STK24: variants seen among roughly 807,000 people sequenced by gnomAD.
STK24 encodes the protein serine/threonine-protein kinase 24.
STK24 carries 21 observed loss-of-function variants against 55.6 expected under a neutral mutation model. The observed-to-expected ratio is 0.38, with a 90% CI of 0.27 to 0.54. The LOEUF (loss-of-function observed/expected upper bound fraction) is 0.54. STK24 is among the 20% of genes least tolerant of loss of function. STK24 has a pLI of 0.79. For missense variants in STK24, 383 were observed against 538.4 expected, an observed-to-expected ratio of 0.71 and a Z score of 2.86; for synonymous variants, 200 against 215.2, an observed-to-expected ratio of 0.93 and a Z score of 0.62.
intron 3 of STK24, among the ~76,000 whole-genome samples, chr13:98,481,874 C>A (rs1391694129): frequency 2.0e-5 from 3 of 151,884 alleles, no homozygotes; most frequent in Non-Finnish European, 4.4e-5. Flanking sequence ...ATGGCAAAAC[C>A]CTATTTCTAC....
At chr13:98,535,378 T>A (rs1346074623) in intron 1 of STK24, among the ~76,000 whole-genome samples, 3 of 136,504 alleles carry the variant, frequency 2.2e-5, no homozygotes, top group African/African-American at 9.3e-5. Flanking sequence ...AAAATATATA[T>A]ATATATATAT....
At chr13:98,521,968 A>G in intron 1 of STK24, 1 of 1,403,458 alleles carries the variant, frequency 7.1e-7, no homozygotes, top group Admixed American at 2.3e-5. Context: ...CTCCCATTTA[A>G]AACAAACGAA....
intron 1 of STK24, among the ~76,000 whole-genome samples, chr13:98,547,230 G>A (rs1235541512): frequency 6.6e-6 from 1 of 152,040 alleles, no homozygotes; most frequent in African/African-American, 2.4e-5. Context: ...GTTTTAAGGG[G>A]TAACTTTTAT....
In STK24 at chr13:98,576,889, C is replaced by T. The variant is rs1897916279; in HGVS notation, c.-103G>A. The T allele has an allele frequency of 4.0e-6, 3 of 754,452 alleles. No homozygotes were observed. Among genetic ancestry groups the T allele is most frequent in the South Asian group, 5.7e-5 (1 of 17,596 alleles). The allele number at this position is 754,452 out of a possible 1,614,324, so 46.7% of individuals were successfully genotyped here. ...CGCGCGCAGCCCTCGGGCGGCGGGG[C>T]CGGCCGGAGCCCGAGGCCACCCCAG... is the stretch of plus-strand genomic sequence containing the variant. On this transcript the variant is annotated 5_prime_UTR_variant, in exon 1 of 11. Transcript: ENST00000539966.
chr13:98,520,706 G>A (rs1317131254), intron 1 of STK24, among the ~76,000 whole-genome samples: 3 of 152,234 alleles, frequency 2.0e-5, no homozygotes, highest in African/African-American at 7.2e-5. Context: ...GCTCTCCAAG[G>A]TGAGACACAC....
intron 2 of STK24, among the ~76,000 whole-genome samples, chr13:98,489,601 A>G (rs1196783372): frequency 1.3e-5 from 2 of 152,238 alleles, no homozygotes; most frequent in Non-Finnish European, 2.9e-5. Flanking sequence ...CACAAAAGAC[A>G]GGGAACACCT....
At chr13:98,500,019 T>C (rs1437616085) in intron 2 of STK24, among the ~76,000 whole-genome samples, 4 of 152,356 alleles carry the variant, frequency 2.6e-5, no homozygotes, top group Non-Finnish European at 5.9e-5. Context: ...TGCGTGCTAG[T>C]GTTACTTTGT....
chr13:98,570,244 G>C (rs1202989956), intron 1 of STK24, among the ~76,000 whole-genome samples: 2 of 152,194 alleles, frequency 1.3e-5, no homozygotes, highest in Non-Finnish European at 2.9e-5. Context: ...AGAGATCAAA[G>C]GGGCTGCCCT....
intron 3 of STK24, among the ~76,000 whole-genome samples, chr13:98,476,529 C>T (rs77169533): frequency 0.034 from 5,150 of 152,310 alleles, 274 homozygotes; most frequent in African/African-American, 0.12. Context: ...TGCTTTAAGC[C>T]AAAGGGGATG....
At chr13:98,564,773 C>T (rs1897522542) in intron 1 of STK24, among the ~76,000 whole-genome samples, 2 of 152,032 alleles carry the variant, frequency 1.3e-5, no homozygotes, top group African/African-American at 2.4e-5. Context: ...CACGCAGTAG[C>T]ATAAGCCTGT....
rs773362468 is a variant in STK24, at chr13:98,446,776, C to T, written c.*6397G>A. 6.1e-5 allele frequency: 98 copies of T among 1,614,100 alleles called. No individual in the cohort carries two copies. Among genetic ancestry groups the T allele is most frequent in the Non-Finnish European group, 7.0e-5 (83 of 1,180,046 alleles). ...TGTTCAAGCTGCACTTCAAGTCCCA[C>T]GTCTACTACTTCAGGGCGGAAAGCG... On this transcript the variant is annotated 3_prime_UTR_variant, in exon 11 of 11. Transcript: ENST00000539966.
chr13:98,568,853 A>C (rs1897659078), intron 1 of STK24, among the ~76,000 whole-genome samples: 1 of 152,208 alleles, frequency 6.6e-6, no homozygotes, highest in African/African-American at 2.4e-5. Flanking sequence ...TGGGTGACAG[A>C]GCGAGACTCC....
At chr13:98,544,069 G>A (rs1241612687) in intron 1 of STK24, among the ~76,000 whole-genome samples, 40 of 152,170 alleles carry the variant, frequency 2.6e-4, no homozygotes, top group Admixed American at 2.6e-3. Flanking sequence ...GTGCATTTAC[G>A]TTAGGCTGCT....
Position 98,446,849 on chromosome 13 carries a change from G to A in STK24, c.*6324C>T, listed in dbSNP as rs773144338. The A allele has an allele frequency of 1.1e-5, 18 of 1,609,764 alleles. No individual in the cohort carries two copies. The highest frequency in any genetic ancestry group is 2.2e-5 in the South Asian group (2 of 90,838). On this transcript the variant is annotated 3_prime_UTR_variant, in exon 11 of 11. Transcript: ENST00000539966. Reference sequence around the variant, plus strand: ...ACCCCCTTCCCACGCACAGGGCCCTGCAGAAGAGGACCCCCTCTTCCAAAC... The same window carrying A: ...ACCCCCTTCCCACGCACAGGGCCCTACAGAAGAGGACCCCCTCTTCCAAAC...
chr13:98,513,068 T>C (rs1391550601), intron 2 of STK24, among the ~76,000 whole-genome samples: 1 of 152,218 alleles, frequency 6.6e-6, no homozygotes, highest in Admixed American at 6.5e-5. Flanking sequence ...CTCTGAGTTA[T>C]CCGCCTTCCC....
intron 1 of STK24, among the ~76,000 whole-genome samples, chr13:98,529,777 C>A (rs1896533967): frequency 6.6e-6 from 1 of 152,090 alleles, no homozygotes; most frequent in Admixed American, 6.5e-5. Flanking sequence ...CCAGAACGAG[C>A]ATTCAGCCAT....
Position 98,448,461 on chromosome 13 carries a change from G to T in STK24, c.*4712C>A. 1.5e-6 allele frequency: 1 copy of T among 675,608 alleles called. No individual in the cohort carries two copies. Among genetic ancestry groups the T allele is most frequent in the Non-Finnish European group, 2.6e-6 (1 of 384,440 alleles). 41.9% of individuals were successfully genotyped at this position (675,608 alleles called of 1,614,324 possible). A position where few individuals can be genotyped will look rare whatever the true frequency, so the allele number is the denominator to read the frequency against. ...GCAGCTCTCCTGTCTCCACAGCCGC[G>T]TTTTTTAACCCCGACCTCTCAGCGT... On this transcript the variant is annotated 3_prime_UTR_variant, in exon 11 of 11. Transcript: ENST00000539966.
At chr13:98,521,862 C>T (rs778267683) in intron 1 of STK24, 2 of 820,592 alleles carry the variant, frequency 2.4e-6, no homozygotes, top group Non-Finnish European at 4.4e-6. Flanking sequence ...TCCTTCTCTC[C>T]TCCAGGATAA....
intron 2 of STK24, among the ~76,000 whole-genome samples, chr13:98,518,710 T>C (rs781420993): frequency 1.3e-5 from 2 of 152,210 alleles, no homozygotes; most frequent in Non-Finnish European, 2.9e-5. Flanking sequence ...TGCAGGACAA[T>C]TTTTGTGTCA....
Sources: gnomAD v4.1 joint callset for allele counts (sites outside exome capture counted in the v4.1 genomes callset) on GRCh38, gnomAD v4.1.1 for gene constraint, MANE v1.5 for transcripts, NCBI Gene and HGNC (gene_info 2026-07-23, HGNC 2026-07-21) for gene names.